Variants in SOX5 observed in about 807,000 individuals in gnomAD.
The protein encoded by SOX5 is transcription factor SOX-5.
A neutral mutation model predicts 92.0 loss-of-function variants in SOX5; 9 were observed. The ratio of observed to expected loss-of-function variants is 0.10; its 90% CI spans 0.06 to 0.17. The LOEUF (loss-of-function observed/expected upper bound fraction) is 0.17, where lower values mean the gene tolerates loss of function less well. Among genes scored for constraint, SOX5 ranks in the 10% least tolerant of loss-of-function variants. The probability of loss-of-function intolerance (pLI) is 1.00; values close to 1 mark genes in which losing one functional copy is unlikely to be tolerated. For missense variants in SOX5, 642 were observed against 944.5 expected (o/e 0.68, Z 4.20); for synonymous variants, 344 against 336.3 (o/e 1.02, Z -0.25).
intron 4 of SOX5, among the ~76,000 whole-genome samples, chr12:24,007,038 C>A (rs1039955091): frequency 6.7e-6 from 1 of 149,700 alleles, no homozygotes; most frequent in Admixed American, 6.8e-5. Flanking sequence ...GAGGCTGAGG[C>A]AGGAGAACCA....
intron 9 of SOX5, among the ~76,000 whole-genome samples, chr12:23,598,352 A>C (rs1952810784): frequency 6.6e-6 from 1 of 150,472 alleles, no homozygotes; most frequent in South Asian, 2.1e-4. Flanking sequence ...GTCCATTTCA[A>C]ACTCATGAAG....
chr12:24,202,425 C>T (rs1411167123), intron 4 of SOX5, among the ~76,000 whole-genome samples: 3 of 152,072 alleles, frequency 2.0e-5, no homozygotes, highest in Non-Finnish European at 4.4e-5. Context: ...CTCAGGTTCC[C>T]ACAAATTAAC....
At chr12:23,741,099 GA>G (rs1338749278) in intron 4 of SOX5, 60 bp from the exon 5 acceptor site, 2 of 1,349,544 alleles carry the variant, frequency 1.5e-6, no homozygotes, top group Non-Finnish European at 2.0e-6. Flanking sequence ...TTATTTCAAT[GA>G]AAATGGCTCT....
intron 3 of SOX5, among the ~76,000 whole-genome samples, chr12:23,776,799 A>T (rs1455210050): frequency 1.3e-5 from 2 of 152,078 alleles, no homozygotes; most frequent in Non-Finnish European, 2.9e-5. Flanking sequence ...TGACAGAAGG[A>T]GGAGCTCAGG....
chr12:23,533,307 CT>C lies in SOX5; in HGVS notation c.*911del. ...ATTTTTCTCTAAATTTCTTATGTCT[CT>C]CTCTCTCTCTCTCTTTTCACCTGAG... On this transcript the variant is annotated 3_prime_UTR_variant, in exon 15 of 15. Transcript: ENST00000451604. The C allele has an allele frequency of 1.9e-5, 6 of 320,262 alleles. No homozygotes were observed. Among genetic ancestry groups the C allele is most frequent in the Non-Finnish European group, 3.3e-5 (5 of 150,082 alleles). 19.8% of individuals were successfully genotyped at this position (320,262 alleles called of 1,614,324 possible). A position where few individuals can be genotyped will look rare whatever the true frequency, so the allele number is the denominator to read the frequency against.
At chr12:24,161,565 AAAT>A (rs1293267779) in intron 4 of SOX5, among the ~76,000 whole-genome samples, 4 of 152,234 alleles carry the variant, frequency 2.6e-5, no homozygotes, top group Non-Finnish European at 4.4e-5. Flanking sequence ...ATCAATTAAG[AAAT>A]AATATTATAA....
Position 23,949,371 on chromosome 12 carries a change from C to A in SOX5, c.38+193G>T, listed in dbSNP as rs79174623. ...AACCTAAAAACATTAGCAGAAATCTCGGAGACTTTGCAAATCAGTTCAGTT... is the reference window on the plus strand; with the variant it reads ...AACCTAAAAACATTAGCAGAAATCTAGGAGACTTTGCAAATCAGTTCAGTT... On this transcript the variant is annotated intron_variant, in intron 1 of 14. Coordinates refer to ENST00000451604, the MANE Select transcript of SOX5 (RefSeq NM_006940.6). Among the ~76,000 whole-genome samples, 28 of 152,166 alleles carry A rather than the reference C, an allele frequency of 1.8e-4. No homozygotes were observed. The East Asian group carries it at 5.4e-3, about 29-fold the overall frequency.
At chr12:24,078,249 A>C (rs1942892491) in intron 4 of SOX5, among the ~76,000 whole-genome samples, 1 of 152,076 alleles carries the variant, frequency 6.6e-6, no homozygotes, top group South Asian at 2.1e-4. Context: ...AACACTAGCT[A>C]TGGAAGAGGG....
At chr12:24,453,918 G>A (rs1336855192) in intron 1 of SOX5, among the ~76,000 whole-genome samples, 4 of 152,118 alleles carry the variant, frequency 2.6e-5, no homozygotes, top group Admixed American at 2.6e-4. Context: ...TTTGAAGGCC[G>A]AGTGTTTCCA....
chr12:24,381,263 A>C (rs976183856), intron 1 of SOX5, among the ~76,000 whole-genome samples: 58 of 152,250 alleles, frequency 3.8e-4, no homozygotes, highest in African/African-American at 1.3e-3. Context: ...AGTATAATTA[A>C]ATATGTATAT....
intron 2 of SOX5, among the ~76,000 whole-genome samples, chr12:24,304,622 C>A (rs115292853): frequency 9.2e-5 from 14 of 152,108 alleles, no homozygotes; most frequent in Admixed American, 3.9e-4. Flanking sequence ...GTTCTCTACT[C>A]GCTTCGTATT....
At chr12:23,634,554 A>G (rs2078971589) in intron 8 of SOX5, among the ~76,000 whole-genome samples, 1 of 152,166 alleles carries the variant, frequency 6.6e-6, no homozygotes, top group Non-Finnish European at 1.5e-5. Flanking sequence ...AAACAGCCTA[A>G]TGTATCCGGA....
intron 2 of SOX5, among the ~76,000 whole-genome samples, chr12:24,304,095 G>C (rs1384190718): frequency 6.6e-6 from 1 of 152,120 alleles, no homozygotes; most frequent in African/African-American, 2.4e-5. Flanking sequence ...CTTAAGAAAG[G>C]CTTCATAAAG....
chr12:23,914,514 T>C (rs1201680108), intron 1 of SOX5, among the ~76,000 whole-genome samples: 1 of 152,122 alleles, frequency 6.6e-6, no homozygotes, highest in African/African-American at 2.4e-5. Context: ...TAATTTCATC[T>C]CTATCACGGC....
At chr12:24,166,864 G>A (rs1047215956) in intron 4 of SOX5, among the ~76,000 whole-genome samples, 1 of 151,870 alleles carries the variant, frequency 6.6e-6, no homozygotes, top group Non-Finnish European at 1.5e-5. Context: ...TCACCTCTTT[G>A]AGCACATAAG....
upstream of SOX5, among the ~76,000 whole-genome samples, chr12:23,951,359 C>T (rs773925738): frequency 3.3e-5 from 5 of 151,954 alleles, no homozygotes; most frequent in African/African-American, 4.8e-5. Flanking sequence ...CTTCCCCTCC[C>T]AATTCCTTTT....
intron 1 of SOX5, among the ~76,000 whole-genome samples, chr12:24,497,771 T>A (rs1057213703): frequency 6.6e-6 from 1 of 152,172 alleles, no homozygotes; most frequent in African/African-American, 2.4e-5. Flanking sequence ...ACAGCACTAT[T>A]CACAACAGAC....
In SOX5 at chr12:23,563,268, C is replaced by A; in HGVS notation, c.1478G>T (p.Arg493Leu). 1 of 1,611,630 alleles carries A rather than the reference C, an allele frequency of 6.2e-7. No individual in the cohort carries two copies. Among genetic ancestry groups the A allele is most frequent in the East Asian group, 2.2e-5 (1 of 44,704 alleles). Residue 493 changes from arginine (R) to leucine (L), a missense_variant, in exon 11 of 15, where the codon CGA becomes CTA. This residue lies in a region of SOX5 where 324 missense variants were observed against 461.6 expected (regional missense o/e 0.70). Coordinates refer to ENST00000451604, the MANE Select transcript of SOX5 (RefSeq NM_006940.6). The part of the protein sequence containing the change: ...VVNSLGLNNC[R>L]TEKEKTTLES... Reference sequence around the variant, plus strand: ...ATTTTATGAACTGACCTTTTCTGTTCGGCAGTTATTGAGACCCAGACTATT... The same window carrying A: ...ATTTTATGAACTGACCTTTTCTGTTAGGCAGTTATTGAGACCCAGACTATT...
chr12:24,204,578 C>T (rs1594237234), intron 4 of SOX5, among the ~76,000 whole-genome samples: 3 of 152,162 alleles, frequency 2.0e-5, no homozygotes, highest in South Asian at 4.1e-4. Flanking sequence ...ATCCACCTGC[C>T]TCAGCCTCCC....
Sources: allele counts gnomAD v4.1 joint callset (sites outside exome capture counted in the v4.1 genomes callset), GRCh38; gene constraint gnomAD v4.1.1; regional missense constraint gnomAD v4.1.1; transcripts MANE v1.5; gene names NCBI Gene and HGNC (gene_info 2026-07-23, HGNC 2026-07-21).